The following STK32B variants were observed in gnomAD, a reference collection of about 807,000 sequenced individuals.
The protein encoded by STK32B is serine/threonine kinase 32B.
STK32B carries 43 observed loss-of-function variants against 52.6 expected under a neutral mutation model. The ratio of observed to expected loss-of-function variants is 0.82; its 90% CI spans 0.64 to 1.05. The LOEUF is 1.05. STK32B is among the 50% of genes least tolerant of loss of function. STK32B has a pLI of 0.00. For missense variants in STK32B, 621 were observed against 534.6 expected, an observed-to-expected ratio of 1.16 and a Z score of -1.59; for synonymous variants, 238 against 204.3, an observed-to-expected ratio of 1.17 and a Z score of -1.41.
chr4:5,168,324 C>A lies in STK32B; in HGVS notation c.134C>A (p.Thr45Asn). ...GTATGCATCGTGCAGAAGCGAGACACTAAGAAAATGTATGCAATGAAGTAC... is the reference window on the plus strand; with the variant it reads ...GTATGCATCGTGCAGAAGCGAGACAATAAGAAAATGTATGCAATGAAGTAC... ...GKVCIVQKRD[T>N]KKMYAMKYMN... Residue 45 changes from threonine to asparagine, a missense_variant, in exon 3 of 12, where the codon ACT (threonine) becomes AAT (asparagine). By Grantham distance (65) the Thr-to-Asn change is moderately conservative. Transcript: ENST00000282908. 1 of 1,613,922 alleles carries A rather than the reference C, an allele frequency of 6.2e-7. No homozygotes were observed. Among genetic ancestry groups the A allele is most frequent in the Non-Finnish European group, 8.5e-7 (1 of 1,179,972 alleles).
At chr4:5,360,783 G>C (rs1379250116) in intron 4 of STK32B, among the ~76,000 whole-genome samples, 1 of 152,098 alleles carries the variant, frequency 6.6e-6, no homozygotes, top group Non-Finnish European at 1.5e-5. Context: ...TCCAGCCTGG[G>C]CAACAAGAGC....
intron 1 of STK32B, among the ~76,000 whole-genome samples, chr4:5,066,700 A>G (rs536457283): frequency 6.6e-6 from 1 of 152,278 alleles, no homozygotes; most frequent in Non-Finnish European, 1.5e-5. Context: ...TCCTCTTGTA[A>G]TCAATGTTAT....
At chr4:5,179,100 G>C (rs1041622212) in intron 3 of STK32B, among the ~76,000 whole-genome samples, 5 of 152,202 alleles carry the variant, frequency 3.3e-5, no homozygotes, top group African/African-American at 1.2e-4. Flanking sequence ...TGCATTGCTG[G>C]GGAAGCCTCA....
intron 11 of STK32B, among the ~76,000 whole-genome samples, chr4:5,480,409 ATTGGT>A: frequency 6.6e-6 from 1 of 152,248 alleles, no homozygotes; most frequent in South Asian, 2.1e-4. Flanking sequence ...TAAGAAATAC[ATTGGT>A]TTGGTTCAGA....
chr4:5,121,279 A>G (rs914503384), intron 1 of STK32B, among the ~76,000 whole-genome samples: 1 of 152,216 alleles, frequency 6.6e-6, no homozygotes, highest in African/African-American at 2.4e-5. Flanking sequence ...GTAGTATTAC[A>G]TGGTGTATAT....
At chr4:5,397,893 T>A (rs1294366135) in intron 4 of STK32B, among the ~76,000 whole-genome samples, 1 of 152,262 alleles carries the variant, frequency 6.6e-6, no homozygotes, top group Non-Finnish European at 1.5e-5. Context: ...TTCCCCTTGC[T>A]GGTGCTGATC....
intron 1 of STK32B, among the ~76,000 whole-genome samples, chr4:5,065,076 C>T (rs926932524): frequency 5.9e-5 from 9 of 151,874 alleles, no homozygotes; most frequent in Admixed American, 5.3e-4. Context: ...AGCAATTGGA[C>T]CTCTTACTTA....
At chr4:5,122,093 T>C (rs573430254) in intron 1 of STK32B, among the ~76,000 whole-genome samples, 100 of 152,136 alleles carry the variant, frequency 6.6e-4, no homozygotes, top group South Asian at 4.8e-3. Flanking sequence ...CTCACTCATT[T>C]ACTCACTCAT....
intron 5 of STK32B, among the ~76,000 whole-genome samples, chr4:5,412,666 A>T (rs1204360981): frequency 6.6e-6 from 1 of 152,164 alleles, no homozygotes; most frequent in Non-Finnish European, 1.5e-5. Flanking sequence ...TTCTGTAAAG[A>T]CAAGGTTAGT....
At chr4:5,494,647 G>A (rs1371179738) in intron 11 of STK32B, among the ~76,000 whole-genome samples, 2 of 152,238 alleles carry the variant, frequency 1.3e-5, no homozygotes, top group African/African-American at 4.8e-5. Context: ...TTGCTCGTTA[G>A]TTGATGCAGT....
At position 5,297,166 on chromosome 4, in the gene STK32B, C is replaced by G. The variant is rs150167789; in HGVS notation, c.261-34054C>G. ...TATCCGCTATTAGTCTGATGGGCTT[C>G]CCTTTGTAGGTAACCTGACCTTTCT... On this transcript the variant is annotated intron_variant, in intron 3 of 11. Transcript: ENST00000282908. 3.1e-3 allele frequency among the ~76,000 whole-genome samples: 479 copies of G among 152,310 alleles called. 3 individuals carry two copies. The highest frequency in any genetic ancestry group is 0.011 in the African/African-American group (451 of 41,580).
At chr4:5,024,746 G>C in the STK32B span, among the ~76,000 whole-genome samples, 1 of 152,202 alleles carries the variant, frequency 6.6e-6, no homozygotes, top group African/African-American at 2.4e-5. Flanking sequence ...GCCCACGTTA[G>C]AGCAAGCCAG....
intron 1 of STK32B, among the ~76,000 whole-genome samples, chr4:5,130,152 G>C (rs976204389): frequency 2.0e-5 from 3 of 149,782 alleles, no homozygotes; most frequent in Non-Finnish European, 4.4e-5. Flanking sequence ...GGTGAGGGAA[G>C]ACCTCTCACC....
At position 5,378,650 on chromosome 4, in the gene STK32B, G is replaced by C. The variant is rs1218465217; in HGVS notation, c.435-19557G>C. 6.6e-6 allele frequency among the ~76,000 whole-genome samples: 1 copy of C among 152,074 alleles called. No homozygotes were observed. The highest frequency in any genetic ancestry group is 1.5e-5 in the Non-Finnish European group (1 of 68,022). ...CATAGTAGGTGTGTATATGTATGGG[G>C]TACATGAGATGTTTTGATACAGACA... On this transcript the variant is annotated intron_variant, in intron 4 of 11. Transcript: ENST00000282908. This position sits in a 1 kb window ranked among gnomAD's most constrained non-coding sequence, Gnocchi z 4.4.
chr4:5,432,757 G>T (rs1223561932), intron 6 of STK32B, among the ~76,000 whole-genome samples: 1 of 150,678 alleles, frequency 6.6e-6, no homozygotes, highest in East Asian at 2.0e-4. Context: ...TAGCAAACTT[G>T]GAATGATTTT....
intron 3 of STK32B, among the ~76,000 whole-genome samples, chr4:5,223,036 G>GC (rs1723637726): frequency 6.6e-6 from 1 of 152,154 alleles, no homozygotes; most frequent in African/African-American, 2.4e-5. Context: ...GGGTCTTAGA[G>GC]CTCAGGACCA....
intron 4 of STK32B, among the ~76,000 whole-genome samples, chr4:5,384,633 G>T (rs1160072818): frequency 6.6e-6 from 1 of 152,196 alleles, no homozygotes; most frequent in East Asian, 1.9e-4. Flanking sequence ...CAGGCTTTGG[G>T]TTCCGCCAGG....
intron 3 of STK32B, among the ~76,000 whole-genome samples, chr4:5,200,068 C>G (rs1483648807): frequency 6.6e-6 from 1 of 152,150 alleles, no homozygotes; most frequent in Non-Finnish European, 1.5e-5. Context: ...TCTGGGGTCA[C>G]TAGCTGCCAG....
Position 5,471,000 on chromosome 4 carries a change from C to A in STK32B, c.1106+2930C>A, listed in dbSNP as rs1717811519. Among the ~76,000 whole-genome samples, 1 of 152,242 alleles carries A rather than the reference C, an allele frequency of 6.6e-6. No homozygotes were observed. The highest frequency in any genetic ancestry group is 1.5e-5 in the Non-Finnish European group (1 of 68,056). On this transcript the variant is annotated intron_variant, in intron 11 of 11. Coordinates refer to ENST00000282908, the MANE Select transcript of STK32B (RefSeq NM_018401.3). The surrounding 1 kb of genome is among the most constrained non-coding windows in gnomAD (Gnocchi z 4.6). ...CCCAGCAGTTCCGCCTCCTTTCAAT[C>A]TCTGCAGACCTGGCCATCAGCCTGA...
Sources: allele counts gnomAD v4.1 joint callset (sites outside exome capture counted in the v4.1 genomes callset), GRCh38; gene constraint gnomAD v4.1.1; non-coding constraint Gnocchi (gnomAD v3.1); transcripts MANE v1.5; gene names NCBI Gene and HGNC (gene_info 2026-07-23, HGNC 2026-07-21).